Variants in TCF12 observed in about 807,000 individuals in gnomAD.
TCF12 encodes DNA-binding protein HTF4.
In TCF12, 45 loss-of-function variants were observed where a neutral mutation model predicts 86.0. That is an observed-to-expected ratio of 0.52 (90% CI 0.41 to 0.67). The LOEUF (loss-of-function observed/expected upper bound fraction) is 0.67. TCF12 is among the 30% of genes least tolerant of loss of function. TCF12 has a pLI of 0.00. For synonymous variants in TCF12, 330 were observed against 299.6 expected (o/e 1.10, Z -1.05); for missense variants, 881 against 859.9 (o/e 1.02, Z -0.31).
intron 13 of TCF12, chr15:57,247,317 C>T: frequency 1.5e-6 from 1 of 656,618 alleles, no homozygotes; most frequent in Non-Finnish European, 2.8e-6. Context: ...CCATAGCCTC[C>T]TCTTCCATCA....
At chr15:57,187,042 G>A (rs764290747) in intron 6 of TCF12, among the ~76,000 whole-genome samples, 30 of 152,156 alleles carry the variant, frequency 2.0e-4, no homozygotes, top group Admixed American at 4.6e-4. Flanking sequence ...TTAGCCAGGC[G>A]TGGTGGCACA....
Position 57,273,018 on chromosome 15 carries a change from T to C in TCF12, c.1746-12T>C, listed in dbSNP as rs1049988131. 1 of 1,612,494 alleles carries C rather than the reference T, an allele frequency of 6.2e-7. No homozygotes were observed. Among genetic ancestry groups the C allele is most frequent in the South Asian group, 1.1e-5 (1 of 90,964 alleles). ...GAAACCTAATAGACCTTGTTGTTAC[T>C]TTATTTTCTAGCAGTACTAATGAAG... On this transcript the variant is annotated splice_polypyrimidine_tract_variant and intron_variant, in intron 18 of 20. Transcript: ENST00000333725.
intron 4 of TCF12, among the ~76,000 whole-genome samples, chr15:57,081,579 C>T (rs1483093341): frequency 6.6e-6 from 1 of 152,070 alleles, no homozygotes; most frequent in East Asian, 1.9e-4. Flanking sequence ...ACTCTGTCAC[C>T]CATGTTGGAG....
chr15:56,925,751 A>C (rs945614424), intron 3 of TCF12, among the ~76,000 whole-genome samples: 1 of 152,238 alleles, frequency 6.6e-6, no homozygotes, highest in Non-Finnish European at 1.5e-5. Context: ...AAGATCATTT[A>C]ATAAGACTGC....
chr15:57,200,766 T>C (rs1393981862), intron 8 of TCF12, among the ~76,000 whole-genome samples: 2 of 152,234 alleles, frequency 1.3e-5, no homozygotes, highest in Non-Finnish European at 2.9e-5. Flanking sequence ...CATAAGTGCA[T>C]AACTCAGCTT....
At chr15:57,285,783 G>T (rs1344542773) in intron 20 of TCF12, among the ~76,000 whole-genome samples, 1 of 152,156 alleles carries the variant, frequency 6.6e-6, no homozygotes, top group African/African-American at 2.4e-5. Context: ...TTACCATATA[G>T]CCGGGTGTGG....
At chr15:57,239,515 CAAAAAAA>C (rs67591734) in intron 12 of TCF12, among the ~76,000 whole-genome samples, 1 of 107,174 alleles carries the variant, frequency 9.3e-6, no homozygotes, top group African/African-American at 4.2e-5. Flanking sequence ...GACTCCATCT[CAAAAAAA>C]AAAAAAAAAA....
At chr15:56,938,929 A>G (rs867843485) in intron 3 of TCF12, among the ~76,000 whole-genome samples, 32 of 152,188 alleles carry the variant, frequency 2.1e-4, no homozygotes, top group South Asian at 6.2e-4. Context: ...CAAAACAATT[A>G]AAAGTGTCAC....
intron 3 of TCF12, among the ~76,000 whole-genome samples, chr15:57,017,218 GCCCC>G (rs1226487097): frequency 5.9e-5 from 9 of 152,088 alleles, no homozygotes; most frequent in African/African-American, 2.2e-4. Flanking sequence ...GGGCCTCGTA[GCCCC>G]ATGTAATAAA....
chr15:57,214,850 T>G (rs1403808463), intron 8 of TCF12, among the ~76,000 whole-genome samples: 1 of 152,132 alleles, frequency 6.6e-6, no homozygotes, highest in Non-Finnish European at 1.5e-5. Context: ...CTTTGATTTT[T>G]AAGATTTTCA....
intron 4 of TCF12, among the ~76,000 whole-genome samples, chr15:57,067,683 C>T (rs1404340978): frequency 6.6e-6 from 1 of 151,968 alleles, no homozygotes; most frequent in Non-Finnish European, 1.5e-5. Flanking sequence ...AACATTTGTT[C>T]CTTCCTCTCT....
intron 19 of TCF12, among the ~76,000 whole-genome samples, chr15:57,277,943 GA>G (rs113889073): frequency 1.4e-4 from 19 of 140,412 alleles, no homozygotes; most frequent in South Asian, 2.3e-4. Context: ...CTGTCTCAAA[GA>G]AAAAAAAAAA....
chr15:57,255,593 C>T (rs1380605403), intron 16 of TCF12, among the ~76,000 whole-genome samples: 1 of 152,090 alleles, frequency 6.6e-6, no homozygotes, highest in African/African-American at 2.4e-5. Flanking sequence ...AAGCAATTCT[C>T]CTGCCTCAGC....
At chr15:57,050,307 A>G (rs1417589826) in intron 3 of TCF12, among the ~76,000 whole-genome samples, 1 of 152,084 alleles carries the variant, frequency 6.6e-6, no homozygotes, top group East Asian at 1.9e-4. Flanking sequence ...CCTTCAGCCT[A>G]AAAACTCTAT....
intron 3 of TCF12, among the ~76,000 whole-genome samples, chr15:57,027,255 C>T (rs1461670450): frequency 1.3e-5 from 2 of 152,172 alleles, no homozygotes; most frequent in African/African-American, 2.4e-5. Context: ...TGGAACGGGT[C>T]ATCAGATTTC....
intron 3 of TCF12, among the ~76,000 whole-genome samples, chr15:56,950,555 C>G (rs777633325): frequency 1.3e-4 from 19 of 151,972 alleles, no homozygotes; most frequent in Non-Finnish European, 2.2e-4. Flanking sequence ...ATAAATAAAT[C>G]ACACAGAATG....
intron 5 of TCF12, among the ~76,000 whole-genome samples, chr15:57,120,810 G>A (rs189024781): frequency 6.6e-6 from 1 of 152,258 alleles, no homozygotes; most frequent in Admixed American, 6.5e-5. Flanking sequence ...GAGACTGGAA[G>A]AGTTTGGTTG....
intron 19 of TCF12, among the ~76,000 whole-genome samples, chr15:57,278,307 T>C (rs1461339617): frequency 6.6e-6 from 1 of 151,962 alleles, no homozygotes; most frequent in Admixed American, 6.6e-5. Flanking sequence ...CCATTGAAAA[T>C]TGAATACTAT....
In TCF12 at chr15:57,063,814, T is replaced by A; in HGVS notation, c.213T>A (p.Asp71Glu). Residue 71 changes from aspartate (D) to glutamate (E), a missense_variant, in exon 4 of 21, where the codon GAT becomes GAA. Transcript: ENST00000333725. ...GTGGTCAACCAAGTCCTTCCTATGA[T>A]TCATCTAGAGTAAGTTTGCTGATCA... ...GTSGQPSPSYDSSRGFTDSPH... is the reference protein window; with the variant it reads ...GTSGQPSPSYESSRGFTDSPH... 1 of 1,601,002 alleles carries A rather than the reference T, an allele frequency of 6.2e-7. No homozygotes were observed. Among genetic ancestry groups the A allele is most frequent in the Non-Finnish European group, 8.5e-7 (1 of 1,169,912 alleles).
Sources: gnomAD v4.1 joint callset for allele counts (sites outside exome capture counted in the v4.1 genomes callset) on GRCh38, gnomAD v4.1.1 for gene constraint, MANE v1.5 for transcripts, NCBI Gene and HGNC (gene_info 2026-07-23, HGNC 2026-07-21) for gene names.